TTLL11: variants seen among roughly 807,000 people sequenced by gnomAD.
The protein encoded by TTLL11 is tubulin polyglutamylase TTLL11.
TTLL11 carries 42 observed loss-of-function variants against 51.7 expected under a neutral mutation model. The observed-to-expected ratio is 0.81, with a 90% CI of 0.64 to 1.05. The LOEUF (loss-of-function observed/expected upper bound fraction) is 1.05. TTLL11 is among the 50% of genes least tolerant of loss of function. The pLI is 0.00. For synonymous variants in TTLL11, 381 were observed against 383.5 expected (o/e 0.99, Z 0.08); for missense variants, 799 against 940.4 (o/e 0.85, Z 1.97).
rs546289172 is a variant in TTLL11, at chr9:121,879,234, C to T, written c.1482-8486G>A. ...CTCAGTGGGAGAGACTGGTATTCAC[C>T]CCGAGGACCTCAGGAGAATATGGGG... On this transcript the variant is annotated intron_variant, in intron 6 of 8. Transcript: ENST00000321582. Among the ~76,000 whole-genome samples, 20 of 152,224 alleles carry T rather than the reference C, an allele frequency of 1.3e-4. 1 individual carries two copies. In the South Asian group the frequency reaches 4.2e-3, roughly 32 times the overall value.
chr9:121,974,685 G>A (rs1023582958), intron 5 of TTLL11, among the ~76,000 whole-genome samples, 199 bp downstream of exon 5: 1 of 152,138 alleles, frequency 6.6e-6, no homozygotes, highest in African/African-American at 2.4e-5. Context: ...CAGCATGCTG[G>A]GAAGTGACCA....
intron 6 of TTLL11, among the ~76,000 whole-genome samples, chr9:121,973,250 G>A (rs1842619130): frequency 6.6e-6 from 1 of 152,176 alleles, no homozygotes; most frequent in Non-Finnish European, 1.5e-5. Context: ...TACAAGTGTT[G>A]TAAATATCAT....
intron 6 of TTLL11, among the ~76,000 whole-genome samples, chr9:121,935,682 A>G (rs1448223536): frequency 6.6e-6 from 1 of 152,234 alleles, no homozygotes; most frequent in African/African-American, 2.4e-5. Flanking sequence ...GAGCTCTCCA[A>G]ACTTGAGACG....
intron 8 of TTLL11, among the ~76,000 whole-genome samples, chr9:121,857,438 A>G (rs1837862259): frequency 6.6e-6 from 1 of 152,184 alleles, no homozygotes. Context: ...GGGAGTTTAG[A>G]CAAGTCACTT....
intron 8 of TTLL11, among the ~76,000 whole-genome samples, chr9:121,841,687 G>GC (rs149254965): frequency 0.059 from 9,000 of 152,102 alleles, 736 homozygotes; most frequent in African/African-American, 0.19. Context: ...TGTTACAGCA[G>GC]CCCAGGAAGC....
At chr9:122,030,212 G>GC (rs1485296821) in intron 3 of TTLL11, among the ~76,000 whole-genome samples, 3 of 138,698 alleles carry the variant, frequency 2.2e-5, no homozygotes, top group African/African-American at 7.7e-5. Context: ...TGGGGGGGGG[G>GC]GGGTAATTAT....
rs1000687558 is a variant in TTLL11, at chr9:122,093,126, C to T, written c.23G>A (p.Ser8Asn). The change falls in exon 1 of 9, where the codon AGC (serine) becomes AAC (asparagine). Residue 8 changes from serine to asparagine, a missense_variant. Ser to Asn is a conservative substitution (Grantham distance 46). This residue lies in a region of TTLL11 where 166 missense variants were observed against 161.6 expected (regional missense o/e 1.03). Coordinates refer to ENST00000321582, the MANE Select transcript of TTLL11 (RefSeq NM_001139442.2). ...CGCCTCCCACCGGGCCGCCAGCTCGCTCTCGGAGCTGCCCCGCCGCATGGT... is the reference window on the plus strand; with the variant it reads ...CGCCTCCCACCGGGCCGCCAGCTCGTTCTCGGAGCTGCCCCGCCGCATGGT... MRRGSSE[S>N]ELAARWEAEA... is the part of the protein sequence containing the mutation. The T allele has an allele frequency of 1.4e-4, 208 of 1,492,026 alleles. 1 individual carries two copies. The East Asian group carries it at 5.8e-3, about 41-fold the overall frequency. The allele number at this position is 1,492,026 out of a possible 1,614,324, so 92.4% of individuals were successfully genotyped here.
chr9:122,009,150 T>C (rs1262724957), intron 3 of TTLL11, among the ~76,000 whole-genome samples: 1 of 152,196 alleles, frequency 6.6e-6, no homozygotes, highest in African/African-American at 2.4e-5. Flanking sequence ...TATTGTATTC[T>C]TGAAAATTGC....
intron 8 of TTLL11, among the ~76,000 whole-genome samples, chr9:121,850,255 G>T (rs377334403): frequency 4.2e-4 from 64 of 152,284 alleles, no homozygotes; most frequent in African/African-American, 1.4e-3. Context: ...TTTATTAGGG[G>T]AATTGGCTCA....
intron 1 of TTLL11, among the ~76,000 whole-genome samples, chr9:122,056,025 T>C (rs1468830529): frequency 6.6e-6 from 1 of 152,228 alleles, no homozygotes; most frequent in African/African-American, 2.4e-5. Flanking sequence ...CCATTTGCCA[T>C]ATGCAGGATA....
intron 8 of TTLL11, among the ~76,000 whole-genome samples, chr9:121,852,597 A>G (rs952724243): frequency 2.6e-5 from 4 of 152,060 alleles, no homozygotes; most frequent in African/African-American, 9.7e-5. Flanking sequence ...TATTCTCTCC[A>G]CCCTCAAGGT....
At chr9:122,084,592 G>C (rs985927053) in intron 1 of TTLL11, among the ~76,000 whole-genome samples, 2 of 152,196 alleles carry the variant, frequency 1.3e-5, no homozygotes, top group African/African-American at 4.8e-5. Flanking sequence ...ATGGCAAGCT[G>C]ATCTGCCTGT....
Position 121,974,543 on chromosome 9 carries a change from AG to A in TTLL11, c.1365+340del, listed in dbSNP as rs112755838. On this transcript the variant is annotated intron_variant, in intron 5 of 8. Coordinates refer to ENST00000321582, the MANE Select transcript of TTLL11 (RefSeq NM_001139442.2). ...ATGTATTATTTATCTTAGTGATTCA[AG>A]TATGTCAACATGACTAAATCATACT... 5.7e-3 allele frequency among the ~76,000 whole-genome samples: 872 copies of A among 152,272 alleles called. 9 individuals carry two copies. The highest frequency in any genetic ancestry group is 0.02 in the African/African-American group (838 of 41,544).
rs539754390 is a variant in TTLL11 at position 121,853,401 on chromosome 9, G to C, written c.1840+6936C>G. ...GGTACTGGGCCCAGCCTGAGCACTG[G>C]GGGAGGCTCTGTGAGGGAGGGGACC... On this transcript the variant is annotated intron_variant, in intron 8 of 8. Transcript: ENST00000321582. This position sits in a 1 kb window ranked among gnomAD's most constrained non-coding sequence, Gnocchi z 5.6. Among the ~76,000 whole-genome samples, 1 of 151,960 alleles carries C rather than the reference G, an allele frequency of 6.6e-6. No individual in the cohort carries two copies. Among genetic ancestry groups the C allele is most frequent in the East Asian group, 1.9e-4 (1 of 5,148 alleles).
rs78538194 is a variant in TTLL11 at position 121,992,202 on chromosome 9, C to T, written c.694-2432G>A. ...CTTGTTAAAGCGCAGGTGTGATTTA[C>T]AGGAAACCCTCACAATTGTTCAGAA... On this transcript the variant is annotated intron_variant, in intron 3 of 8. Transcript: ENST00000321582. Among the ~76,000 whole-genome samples, 1,191 of 152,302 alleles carry T rather than the reference C, an allele frequency of 7.8e-3. 15 individuals are homozygous for T. The highest frequency in any genetic ancestry group is 0.028 in the African/African-American group (1,159 of 41,556).
rs990271030 is a variant in TTLL11 at position 122,059,076 on chromosome 9, C to T, written c.463-19708G>A. Among the ~76,000 whole-genome samples the T allele has an allele frequency of 5.3e-5, 8 of 152,046 alleles. No homozygotes were observed. The South Asian group carries it at 1.0e-3, about 20-fold the overall frequency. On this transcript the variant is annotated intron_variant, in intron 1 of 8. Coordinates refer to ENST00000321582, the MANE Select transcript of TTLL11 (RefSeq NM_001139442.2). ...TGCTGTGATAAATCTGATGCTTTCT[C>T]GGTGCACCTTGAAGAAACCAAGCCA... is the stretch of plus-strand genomic sequence containing the variant.
intron 1 of TTLL11, among the ~76,000 whole-genome samples, chr9:122,072,319 C>T (rs10116653): frequency 0.041 from 6,284 of 152,240 alleles, 156 homozygotes; most frequent in African/African-American, 0.066. Context: ...CTTCACTCTC[C>T]TCCCACATCC....
chr9:121,858,600 A>T (rs908273280), intron 8 of TTLL11, among the ~76,000 whole-genome samples: 3 of 152,102 alleles, frequency 2.0e-5, no homozygotes, highest in African/African-American at 7.2e-5. Context: ...TGTAGTTGGG[A>T]AGTTTCTGGC....
At chr9:121,895,515 GTATGAC>G (rs1006008266) in intron 6 of TTLL11, among the ~76,000 whole-genome samples, 22 of 151,250 alleles carry the variant, frequency 1.5e-4, no homozygotes, top group African/African-American at 4.1e-4. Flanking sequence ...TTTTGTGTTT[GTATGAC>G]TGTGACTGTG....
Sources: allele counts gnomAD v4.1 joint callset (sites outside exome capture counted in the v4.1 genomes callset), GRCh38; gene constraint gnomAD v4.1.1; regional missense constraint gnomAD v4.1.1; non-coding constraint Gnocchi (gnomAD v3.1); transcripts MANE v1.5; gene names NCBI Gene and HGNC (gene_info 2026-07-23, HGNC 2026-07-21).